The following RABGAP1 variants were observed in gnomAD, a reference collection of about 807,000 sequenced individuals.
The protein encoded by RABGAP1 is RAB GTPase activating protein 1.
A neutral mutation model predicts 137.6 loss-of-function variants in RABGAP1; 23 were observed. That is an observed-to-expected ratio of 0.17 (90% CI 0.12 to 0.24). The LOEUF (loss-of-function observed/expected upper bound fraction) is 0.24, where lower values mean the gene tolerates loss of function less well. Ranked by LOEUF, RABGAP1 falls within the 10% of genes least tolerant of loss-of-function variation. The pLI is 1.00. For synonymous variants in RABGAP1, 451 were observed against 450.7 expected (o/e 1.00, Z -0.01); for missense variants, 906 against 1,275.8 (o/e 0.71, Z 4.42).
intron 1 of RABGAP1, among the ~76,000 whole-genome samples, chr9:122,944,888 T>C (rs1833854659): frequency 6.6e-6 from 1 of 152,064 alleles, no homozygotes; most frequent in African/African-American, 2.4e-5. Flanking sequence ...AAATAATCTT[T>C]CTTAGCAAGA....
chr9:122,952,634 G>A (rs1834314109), intron 1 of RABGAP1, among the ~76,000 whole-genome samples: 1 of 152,102 alleles, frequency 6.6e-6, no homozygotes. Flanking sequence ...TACTCAGGAG[G>A]TGGAGGTAGG....
rs1421519176 is a variant in RABGAP1, at chr9:123,103,479, C to A, written c.*266C>A. The A allele has an allele frequency of 2.5e-5, 7 of 275,364 alleles. No homozygotes were observed. The highest frequency in any genetic ancestry group is 2.2e-3 in the Middle Eastern group (2 of 902). The allele number at this position is 275,364 out of a possible 1,614,324, so 17.1% of individuals were successfully genotyped here. On this transcript the variant is annotated 3_prime_UTR_variant, in exon 26 of 26. Transcript: ENST00000373647. ...TCAGTGTGACCTCCCAGGCCTCTTC[C>A]CCGTGTACGTCAACACCTCACCCAG...
chr9:123,009,848 G>A (rs2030641764), intron 10 of RABGAP1, among the ~76,000 whole-genome samples: 2 of 152,092 alleles, frequency 1.3e-5, no homozygotes, highest in Admixed American at 1.3e-4. Flanking sequence ...TCTCTACACT[G>A]TTTTAAGCAA....
intron 3 of RABGAP1, among the ~76,000 whole-genome samples, chr9:122,985,086 C>T (rs1477678085): frequency 6.6e-6 from 1 of 151,826 alleles, no homozygotes; most frequent in Non-Finnish European, 1.5e-5. Context: ...CAGATGTTTG[C>T]TCCAGACCTA....
intron 4 of RABGAP1, among the ~76,000 whole-genome samples, chr9:122,988,341 A>G (rs1358031541): frequency 1.3e-5 from 2 of 152,144 alleles, no homozygotes; most frequent in Non-Finnish European, 2.9e-5. Context: ...GAAATTGCAT[A>G]GTTTCTTTTT....
chr9:122,943,511 G>A (rs1303498258), intron 1 of RABGAP1, among the ~76,000 whole-genome samples: 1 of 152,204 alleles, frequency 6.6e-6, no homozygotes, highest in South Asian at 2.1e-4. Context: ...CAGTTTATAA[G>A]AGTTGTAGTA....
In RABGAP1 at chr9:123,103,605, A is replaced by ATTATATG. The variant is rs2035409633; in HGVS notation, c.*393_*394insTATATGT. ...TTAATATACATATATATATATATAT[A>ATTATATG]TATATATATATATATATATATATAT... is the stretch of plus-strand genomic sequence containing the variant. On this transcript the variant is annotated 3_prime_UTR_variant, in exon 26 of 26. Transcript: ENST00000373647. 3.2e-5 allele frequency: 2 copies of ATTATATG among 63,280 alleles called. No homozygotes were observed. 3.9% of individuals were successfully genotyped at this position (63,280 alleles called of 1,614,324 possible).
At chr9:122,996,974 TA>T in intron 8 of RABGAP1, 1 of 552,112 alleles carries the variant, frequency 1.8e-6, no homozygotes, top group Non-Finnish European at 3.4e-6. Flanking sequence ...TTTTCAAAAC[TA>T]AAAATTATAA....
chr9:122,951,507 T>G (rs1834244436), intron 1 of RABGAP1, among the ~76,000 whole-genome samples: 1 of 152,148 alleles, frequency 6.6e-6, no homozygotes, highest in Non-Finnish European at 1.5e-5. Context: ...GGTTTTATCA[T>G]GGCCAGTTCT....
intron 13 of RABGAP1, among the ~76,000 whole-genome samples, chr9:123,040,906 T>G (rs968947855): frequency 9.2e-5 from 14 of 152,172 alleles, no homozygotes; most frequent in African/African-American, 3.4e-4. Flanking sequence ...TCTGTTATTT[T>G]GCAGAGGAGA....
chr9:123,001,139 C>T (rs550467812), intron 10 of RABGAP1, among the ~76,000 whole-genome samples: 1 of 152,118 alleles, frequency 6.6e-6, no homozygotes, highest in Non-Finnish European at 1.5e-5. Flanking sequence ...GGAGCCACCG[C>T]GCCTGGCCCT....
chr9:123,078,489 T>A (rs960177283), intron 19 of RABGAP1, among the ~76,000 whole-genome samples: 2 of 152,166 alleles, frequency 1.3e-5, no homozygotes, highest in Non-Finnish European at 2.9e-5. Flanking sequence ...ACTATAATTA[T>A]TTCCTCCCTG....
At chr9:123,100,413 G>T (rs911283904) in intron 24 of RABGAP1, among the ~76,000 whole-genome samples, 16 of 151,164 alleles carry the variant, frequency 1.1e-4, no homozygotes, top group Admixed American at 9.2e-4. Flanking sequence ...GTGTGTGTGT[G>T]TGTGTGTGTG....
At chr9:122,967,371 G>T (rs1350709642) in intron 2 of RABGAP1, among the ~76,000 whole-genome samples, 2 of 152,092 alleles carry the variant, frequency 1.3e-5, no homozygotes, top group African/African-American at 4.8e-5. Flanking sequence ...AGCTGCCAGG[G>T]TTATGGATTT....
chr9:122,981,307 T>G (rs992019935), intron 2 of RABGAP1, among the ~76,000 whole-genome samples: 4 of 152,256 alleles, frequency 2.6e-5, no homozygotes, highest in African/African-American at 9.6e-5. Context: ...ATTATAGGTT[T>G]GAGCCACTGC....
chr9:123,028,140 A>C (rs1564143890), intron 13 of RABGAP1, among the ~76,000 whole-genome samples: 1 of 152,214 alleles, frequency 6.6e-6, no homozygotes, highest in Non-Finnish European at 1.5e-5. Flanking sequence ...CCTCGACCTA[A>C]TAATTATAGG....
intron 12 of RABGAP1, among the ~76,000 whole-genome samples, chr9:123,019,935 C>T (rs563490268): frequency 3.3e-5 from 5 of 152,244 alleles, no homozygotes; most frequent in Admixed American, 2.0e-4. Flanking sequence ...ATACCCACCT[C>T]GGCCTCCCAA....
At chr9:122,963,206 C>G (rs1055821750) in intron 2 of RABGAP1, among the ~76,000 whole-genome samples, 1 of 151,908 alleles carries the variant, frequency 6.6e-6, no homozygotes, top group African/African-American at 2.4e-5. Flanking sequence ...CTCAGAAGTT[C>G]GAGACCAGAC....
chr9:123,013,363 G>A (rs537005776), intron 11 of RABGAP1, among the ~76,000 whole-genome samples: 3 of 150,194 alleles, frequency 2.0e-5, no homozygotes, highest in African/African-American at 2.4e-5. Context: ...ATGGAGTCTC[G>A]CTGTGTCACC....
Sources: gnomAD v4.1 joint callset for allele counts (sites outside exome capture counted in the v4.1 genomes callset) on GRCh38, gnomAD v4.1.1 for gene constraint, MANE v1.5 for transcripts, NCBI Gene and HGNC (gene_info 2026-07-23, HGNC 2026-07-21) for gene names.